The following KCNQ3 variants were observed in gnomAD, a reference collection of about 807,000 sequenced individuals.
The protein encoded by KCNQ3 is potassium voltage-gated channel subfamily Q member 3.
KCNQ3 carries 30 observed loss-of-function variants against 92.5 expected under a neutral mutation model. That is an observed-to-expected ratio of 0.32 (90% confidence interval 0.24 to 0.44). The LOEUF (loss-of-function observed/expected upper bound fraction) is 0.44. Ranked by LOEUF, KCNQ3 falls within the 20% of genes least tolerant of loss-of-function variation. The pLI is 1.00. For synonymous variants in KCNQ3, 450 were observed against 468.8 expected (o/e 0.96, Z 0.52); for missense variants, 913 against 1,140.3 (o/e 0.80, Z 2.87).
chr8:132,322,860 C>T (rs1817931208), intron 1 of KCNQ3, among the ~76,000 whole-genome samples: 1 of 152,124 alleles, frequency 6.6e-6, no homozygotes, highest in Admixed American at 6.5e-5. Context: ...TGGTGATGAC[C>T]CATCTGAGAA....
rs576644017 is a variant in KCNQ3, at chr8:132,256,185, G to GTAAAAAATAAAA, written c.387-70016_387-70005dup. Reference sequence around the variant, plus strand: ...ATATTGACAAAGACAGAATCTATATGTAAAAAATAAAATAAAAAATAAAGT... The same window carrying GTAAAAAATAAAA: ...ATATTGACAAAGACAGAATCTATATGTAAAAAATAAAATAAAAAATAAAATAAAAAATAAAGT... On this transcript the variant is annotated intron_variant, in intron 1 of 14. Transcript: ENST00000388996. Among the ~76,000 whole-genome samples the GTAAAAAATAAAA allele has an allele frequency of 5.7e-4, 86 of 151,984 alleles. 1 individual carries two copies. The East Asian group carries it at 0.014, about 25-fold the overall frequency.
chr8:132,462,223 G>A (rs150993256), intron 1 of KCNQ3, among the ~76,000 whole-genome samples: 3 of 151,770 alleles, frequency 2.0e-5, no homozygotes, highest in Admixed American at 6.6e-5. Context: ...TTTTGAGACG[G>A]AGTCTTGCTT....
intron 1 of KCNQ3, among the ~76,000 whole-genome samples, chr8:132,473,062 C>T (rs1237775817): frequency 1.1e-4 from 17 of 152,138 alleles, no homozygotes; most frequent in Admixed American, 1.1e-3. Context: ...AGATCATGCT[C>T]TTACTGCTGA....
At chr8:132,214,837 C>A (rs781172125) in intron 1 of KCNQ3, among the ~76,000 whole-genome samples, 18 of 152,332 alleles carry the variant, frequency 1.2e-4, no homozygotes, top group Admixed American at 8.5e-4. Flanking sequence ...GTGTTTGGCA[C>A]CTGGGGCATT....
chr8:132,392,871 A>G (rs1820087751), intron 1 of KCNQ3, among the ~76,000 whole-genome samples: 1 of 149,218 alleles, frequency 6.7e-6, no homozygotes, highest in Non-Finnish European at 1.5e-5. Context: ...ATCATATTTT[A>G]GTCCACAGCA....
intron 1 of KCNQ3, among the ~76,000 whole-genome samples, chr8:132,401,766 T>A (rs1472320237): frequency 1.3e-5 from 2 of 152,274 alleles, no homozygotes; most frequent in Middle Eastern, 3.4e-3. Flanking sequence ...CTGCCCACCC[T>A]CCTCCTAGTC....
intron 1 of KCNQ3, among the ~76,000 whole-genome samples, chr8:132,464,774 T>G (rs1264459953): frequency 6.6e-6 from 1 of 152,122 alleles, no homozygotes; most frequent in Non-Finnish European, 1.5e-5. Flanking sequence ...TATATTAGAG[T>G]GAGTGTCACA....
At chr8:132,432,170 TGTC>T (rs1199435249) in intron 1 of KCNQ3, among the ~76,000 whole-genome samples, 1 of 152,130 alleles carries the variant, frequency 6.6e-6, no homozygotes, top group African/African-American at 2.4e-5. Flanking sequence ...ACTTCATACT[TGTC>T]ATCATATCAG....
At chr8:132,343,787 T>C (rs1050769277) in intron 1 of KCNQ3, among the ~76,000 whole-genome samples, 4 of 152,138 alleles carry the variant, frequency 2.6e-5, no homozygotes, top group African/African-American at 2.4e-5. Context: ...GCTTTGCTTG[T>C]GGCTCTTCCA....
At chr8:132,452,454 T>A (rs1324618015) in intron 1 of KCNQ3, among the ~76,000 whole-genome samples, 1 of 152,216 alleles carries the variant, frequency 6.6e-6, no homozygotes, top group Non-Finnish European at 1.5e-5. Flanking sequence ...CAGTATTCCA[T>A]GCACATGCTG....
At chr8:132,381,382 A>C (rs1819746524) in intron 1 of KCNQ3, among the ~76,000 whole-genome samples, 1 of 152,046 alleles carries the variant, frequency 6.6e-6, no homozygotes, top group African/African-American at 2.4e-5. Flanking sequence ...ACCAAGTTTC[A>C]TGGTTTTGGA....
intron 1 of KCNQ3, among the ~76,000 whole-genome samples, chr8:132,282,383 C>G (rs1816548281): frequency 6.6e-6 from 1 of 152,186 alleles, no homozygotes; most frequent in South Asian, 2.1e-4. Context: ...TAAAGAATCA[C>G]AGGGGGAGAG....
At chr8:132,154,192 A>ATTTTTTTT (rs1563775830) in intron 9 of KCNQ3, among the ~76,000 whole-genome samples, 2 of 104,472 alleles carry the variant, frequency 1.9e-5, no homozygotes, top group African/African-American at 6.6e-5. Flanking sequence ...AAAGGGTAAA[A>ATTTTTTTT]GTTTTTTTTT....
At chr8:132,221,881 G>C (rs1814249838) in intron 1 of KCNQ3, among the ~76,000 whole-genome samples, 1 of 152,072 alleles carries the variant, frequency 6.6e-6, no homozygotes, top group Non-Finnish European at 1.5e-5. Flanking sequence ...AACTGAAACT[G>C]GATCCCTTCC....
At chr8:132,132,305 T>C in intron 13 of KCNQ3, 41 bp from the exon 14 acceptor site, 4 of 1,514,424 alleles carry the variant, frequency 2.6e-6, no homozygotes, top group East Asian at 2.3e-5. Flanking sequence ...ATTATATCTA[T>C]TTTTGCTATG....
At chr8:132,269,263 T>G (rs1160502191) in intron 1 of KCNQ3, among the ~76,000 whole-genome samples, 1 of 152,250 alleles carries the variant, frequency 6.6e-6, no homozygotes, top group East Asian at 1.9e-4. Flanking sequence ...CCTTTGGTGT[T>G]GCATTAAAAA....
Position 132,480,778 on chromosome 8 carries a change from C to A in KCNQ3, c.-246G>T, listed in dbSNP as rs1274539070. The A allele has an allele frequency of 1.5e-5, 3 of 195,208 alleles. No individual in the cohort carries two copies. Among genetic ancestry groups the A allele is most frequent in the South Asian group, 1.6e-4 (1 of 6,382 alleles). 12.1% of individuals were successfully genotyped at this position (195,208 alleles called of 1,614,324 possible). A position where few individuals can be genotyped will look rare whatever the true frequency, so the allele number is the denominator to read the frequency against. ...GGGTCAGCCGCAGGACCCCGAGGGTCGCGGGCCGGGGGCTGCGGAGAAGCT... is the reference window on the plus strand; with the variant it reads ...GGGTCAGCCGCAGGACCCCGAGGGTAGCGGGCCGGGGGCTGCGGAGAAGCT... On this transcript the variant is annotated 5_prime_UTR_variant, in exon 1 of 15. Transcript: ENST00000388996.
intron 1 of KCNQ3, among the ~76,000 whole-genome samples, chr8:132,293,608 T>C (rs902694164): frequency 2.0e-5 from 3 of 152,186 alleles, no homozygotes; most frequent in African/African-American, 7.2e-5. Flanking sequence ...GAATGAGTCA[T>C]CAGTCCCTGC....
chr8:132,372,781 A>AC (rs1819510583), intron 1 of KCNQ3, among the ~76,000 whole-genome samples: 1 of 151,288 alleles, frequency 6.6e-6, no homozygotes, highest in African/African-American at 2.4e-5. Context: ...AACAAAAAAA[A>AC]AAACGCTTAG....
Sources: gnomAD v4.1 joint callset for allele counts (sites outside exome capture counted in the v4.1 genomes callset) on GRCh38, gnomAD v4.1.1 for gene constraint, MANE v1.5 for transcripts, NCBI Gene and HGNC (gene_info 2026-07-23, HGNC 2026-07-21) for gene names.